RXRA: variants seen among roughly 807,000 people sequenced by gnomAD.
RXRA encodes retinoid X receptor alpha, also known as retinoic acid receptor RXR-alpha.
Under a neutral mutation model 44.5 loss-of-function variants are expected in RXRA, and 5 were observed. The ratio of observed to expected loss-of-function variants is 0.11; its 90% CI spans 0.06 to 0.24. RXRA has a LOEUF of 0.24. RXRA is among the 10% of genes least tolerant of loss of function. The pLI is 1.00. For missense variants in RXRA, 412 were observed against 646.5 expected (o/e 0.64, Z 3.93); for synonymous variants, 291 against 271.4 (o/e 1.07, Z -0.71).
Position 134,433,967 on chromosome 9 carries a change from C to G in RXRA, c.1136-135C>G. The G allele has an allele frequency of 1.6e-6, 1 of 634,474 alleles. No individual in the cohort carries two copies. Among genetic ancestry groups the G allele is most frequent in the Non-Finnish European group, 2.8e-6 (1 of 363,276 alleles). The allele number at this position is 634,474 out of a possible 1,614,324, so 39.3% of individuals were successfully genotyped here. On this transcript the variant is annotated intron_variant, in intron 8 of 9. Transcript: ENST00000481739. The surrounding 1 kb of genome is among the most constrained non-coding windows in gnomAD (Gnocchi z 4.2). ...CTGGGGGAGCGGGCGGAGGCATGTC[C>G]AGCGGCATTCCTCCACCACCTGCTC...
intron 4 of RXRA, among the ~76,000 whole-genome samples, chr9:134,413,742 G>A (rs1588297349): frequency 1.3e-5 from 2 of 152,160 alleles, no homozygotes; most frequent in Admixed American, 1.3e-4. Context: ...GACCCTGAGG[G>A]GCTGTGGCAG....
chr9:134,411,787 G>A (rs867490429), intron 4 of RXRA, among the ~76,000 whole-genome samples: 1 of 152,216 alleles, frequency 6.6e-6, no homozygotes, highest in Admixed American at 6.5e-5. Flanking sequence ...GAGGCAGTGA[G>A]GCCCCCGTGC....
At chr9:134,333,391 A>G (rs1554746918) in intron 1 of RXRA, among the ~76,000 whole-genome samples, 1 of 152,050 alleles carries the variant, frequency 6.6e-6, no homozygotes, top group African/African-American at 2.4e-5. Context: ...TTGGCCCTCT[A>G]AGCCATAGTA....
Position 134,344,078 on chromosome 9 carries a change from C to T in RXRA, c.28+17419C>T, listed in dbSNP as rs562680794. Among the ~76,000 whole-genome samples, 297 of 152,334 alleles carry T rather than the reference C, an allele frequency of 1.9e-3. 2 individuals are homozygous for T. Among genetic ancestry groups the T allele is most frequent in the African/African-American group, 6.9e-3 (288 of 41,574 alleles). On this transcript the variant is annotated intron_variant, in intron 1 of 9. Transcript: ENST00000481739. Reference sequence around the variant, plus strand: ...CCGTTGCCTCTGCCTGGCGTGTGTGCCTGCTCTGCCCTTCTTTTTCCATCC... The same window carrying T: ...CCGTTGCCTCTGCCTGGCGTGTGTGTCTGCTCTGCCCTTCTTTTTCCATCC...
At position 134,327,810 on chromosome 9, in the gene RXRA, A is replaced by C. The variant is rs191183816; in HGVS notation, c.28+1151A>C. Among the ~76,000 whole-genome samples the C allele has an allele frequency of 1.0e-3, 156 of 152,286 alleles. 1 individual carries two copies. The East Asian group carries it at 0.027, about 26-fold the overall frequency. On this transcript the variant is annotated intron_variant, in intron 1 of 9. Transcript: ENST00000481739. ...GAGTCTGAGTACCTCTGCTACTCACAGGCAGGTGTGCTGCCCCGTGACCGG... is the reference window on the plus strand; with the variant it reads ...GAGTCTGAGTACCTCTGCTACTCACCGGCAGGTGTGCTGCCCCGTGACCGG...
intron 7 of RXRA, among the ~76,000 whole-genome samples, chr9:134,430,841 A>C (rs932145226): frequency 2.0e-4 from 31 of 152,372 alleles, no homozygotes; most frequent in African/African-American, 7.5e-4. Flanking sequence ...CAGTGACTAC[A>C]GAGGCCCCGG....
chr9:134,436,054 C>T (rs568688019), intron 9 of RXRA, among the ~76,000 whole-genome samples: 1 of 152,344 alleles, frequency 6.6e-6, no homozygotes, highest in South Asian at 2.1e-4. Flanking sequence ...CTGCGTTGCC[C>T]AGGCTGGTCT....
intron 1 of RXRA, among the ~76,000 whole-genome samples, chr9:134,386,337 C>A (rs146743891): frequency 2.1e-4 from 32 of 152,370 alleles, no homozygotes; most frequent in Admixed American, 3.3e-4. Context: ...CTCCTTGCCT[C>A]TCTGTCGGGC....
chr9:134,329,837 C>G (rs1834975698), intron 1 of RXRA, among the ~76,000 whole-genome samples: 1 of 152,208 alleles, frequency 6.6e-6, no homozygotes, highest in Non-Finnish European at 1.5e-5. Flanking sequence ...GTTTCCTCCC[C>G]TGGGAAAGGG....
chr9:134,371,408 A>G (rs1830489811), intron 1 of RXRA, among the ~76,000 whole-genome samples: 1 of 152,156 alleles, frequency 6.6e-6, no homozygotes, highest in Non-Finnish European at 1.5e-5. Flanking sequence ...CGTGGCTATG[A>G]GCCCAGGTGG....
intron 1 of RXRA, among the ~76,000 whole-genome samples, chr9:134,338,511 G>C (rs1830041018): frequency 6.6e-6 from 1 of 152,232 alleles, no homozygotes; most frequent in South Asian, 2.1e-4. Context: ...ACTCTTGCTG[G>C]CTGGGAGAGG....
chr9:134,417,368 C>G lies in RXRA; in HGVS notation c.780+41C>G, dbSNP rs1270569307. ...TGCAGGGGTGGGCAGCCTCACATGC[C>G]TCAGTTTCCCTCACTCACTCACCCT... On this transcript the variant is annotated intron_variant, in intron 5 of 9. Transcript: ENST00000481739. The surrounding 1 kb of genome is among the most constrained non-coding windows in gnomAD (Gnocchi z 6.1). 1.9e-6 allele frequency: 3 copies of G among 1,595,000 alleles called. No individual in the cohort carries two copies. The highest frequency in any genetic ancestry group is 3.4e-5 in the Admixed American group (2 of 59,496).
chr9:134,383,834 G>A (rs1398336220), intron 1 of RXRA, among the ~76,000 whole-genome samples: 1 of 152,176 alleles, frequency 6.6e-6, no homozygotes, highest in Non-Finnish European at 1.5e-5. Context: ...ATCCAGGTGT[G>A]GTTCCAGGCC....
At chr9:134,435,061 C>T (rs2119214583) in intron 9 of RXRA, among the ~76,000 whole-genome samples, 1 of 152,336 alleles carries the variant, frequency 6.6e-6, no homozygotes, top group South Asian at 2.1e-4. Context: ...CTGCCCTGGC[C>T]CATCTCGCCA....
chr9:134,412,281 G>C (rs1041329085), intron 4 of RXRA, among the ~76,000 whole-genome samples: 2 of 152,198 alleles, frequency 1.3e-5, no homozygotes, highest in African/African-American at 4.8e-5. Context: ...GCCCCCTGGT[G>C]GGCAGCTCCG....
At chr9:134,377,017 G>T (rs1187991268) in intron 1 of RXRA, among the ~76,000 whole-genome samples, 1 of 152,182 alleles carries the variant, frequency 6.6e-6, no homozygotes, top group African/African-American at 2.4e-5. Context: ...TCCTTGACCC[G>T]TCAGCCGGGT....
intron 1 of RXRA, among the ~76,000 whole-genome samples, chr9:134,327,460 C>T (rs1264873515): frequency 1.3e-5 from 2 of 152,116 alleles, no homozygotes; most frequent in Non-Finnish European, 2.9e-5. Flanking sequence ...GGCCCCCACC[C>T]ATTGCCCTCC....
chr9:134,408,898 G>T, intron 3 of RXRA, 42 bp from the exon 4 acceptor site: 1 of 1,440,444 alleles, frequency 6.9e-7, no homozygotes, highest in South Asian at 1.5e-5. Flanking sequence ...TCCCTGCCGG[G>T]GCGGTGGGTG....
rs899878574 is a variant in RXRA, at chr9:134,438,572, G to A, written c.*1958G>A. The A allele has an allele frequency of 6.6e-6, 1 of 152,514 alleles. No homozygotes were observed. The highest frequency in any genetic ancestry group is 2.4e-5 in the African/African-American group (1 of 41,446). The allele number at this position is 152,514 out of a possible 1,614,324, so 9.4% of individuals were successfully genotyped here. The stretch of plus-strand genomic sequence containing the variant: ...AGCCTCATACCTGTACCAGGTCCCC[G>A]GCCAGCTGGGCCCCTCCCAGGCACT... On this transcript the variant is annotated 3_prime_UTR_variant, in exon 10 of 10. Coordinates refer to ENST00000481739, the MANE Select transcript of RXRA (RefSeq NM_002957.6).
Sources: gnomAD v4.1 joint callset for allele counts (sites outside exome capture counted in the v4.1 genomes callset) on GRCh38, gnomAD v4.1.1 for gene constraint, Gnocchi (gnomAD v3.1) non-coding constraint, MANE v1.5 for transcripts, NCBI Gene and HGNC (gene_info 2026-07-23, HGNC 2026-07-21) for gene names.